MLXIPL: variants seen among roughly 807,000 people sequenced by gnomAD.
MLXIPL encodes carbohydrate-responsive element-binding protein.
In MLXIPL, 49 loss-of-function variants were observed where a neutral mutation model predicts 81.5. That is an observed-to-expected ratio of 0.60 (90% CI 0.48 to 0.76). The LOEUF (loss-of-function observed/expected upper bound fraction) is 0.76. Ranked by LOEUF, MLXIPL falls within the 30% of genes least tolerant of loss-of-function variation. The pLI is 0.00. For missense variants in MLXIPL, 1,053 were observed against 1,167.0 expected, an observed-to-expected ratio of 0.90 and a Z score of 1.42; for synonymous variants, 466 against 485.5, an observed-to-expected ratio of 0.96 and a Z score of 0.53.
At chr7:73,620,490 C>T (rs556480153) in intron 1 of MLXIPL, among the ~76,000 whole-genome samples, 1 of 150,844 alleles carries the variant, frequency 6.6e-6, no homozygotes, top group Non-Finnish European at 1.5e-5. Context: ...CCTGTAATCC[C>T]AGCACTTTGG....
At chr7:73,636,984 C>T in the MLXIPL span, among the ~76,000 whole-genome samples, 11 of 147,848 alleles carry the variant, frequency 7.4e-5, no homozygotes, top group East Asian at 2.0e-4. Context: ...GATGTTAACC[C>T]GGGAGGCGGA....
the MLXIPL span, among the ~76,000 whole-genome samples, chr7:73,630,285 C>CTTTTTTTTTT: frequency 1.0e-5 from 1 of 97,870 alleles, no homozygotes; most frequent in Non-Finnish European, 1.8e-5. Flanking sequence ...GCCAGCTTGT[C>CTTTTTTTTTT]TTTTTTTTTT....
At position 73,595,870 on chromosome 7, in the gene MLXIPL, C is replaced by T. The variant is rs1554593522; in HGVS notation, c.2158G>A (p.Glu720Lys). ...ATGGCGGCATTGAGCTCCTCAATCTCATCCCGCAGCTGCTGGGCCTCCTCC... is the reference window on the plus strand; with the variant it reads ...ATGGCGGCATTGAGCTCCTCAATCTTATCCCGCAGCTGCTGGGCCTCCTCC... ...LQEEAQQLRD[E>K]IEELNAAINL... is the part of the protein sequence containing the mutation. Residue 720 changes from glutamate (E) to lysine (K), a missense_variant, in exon 14 of 17, where the codon GAG (glutamate) becomes AAG (lysine). Glu to Lys is a moderately conservative substitution (Grantham distance 56). Around this residue, in one of 3 missense-constraint regions of MLXIPL, gnomAD observed 823 missense variants for 933.0 expected, o/e 0.88. Transcript: ENST00000313375. 4.3e-6 allele frequency: 7 copies of T among 1,610,482 alleles called. No homozygotes were observed. In the South Asian group the frequency reaches 6.6e-5, roughly 15 times the overall value.
At position 73,599,660 on chromosome 7, in the gene MLXIPL, T is replaced by C. The variant is rs1249025404; in HGVS notation, c.937A>G (p.Met313Val). 4 of 1,606,770 alleles carry C rather than the reference T, an allele frequency of 2.5e-6. No individual in the cohort carries two copies. Among genetic ancestry groups the C allele is most frequent in the Non-Finnish European group, 3.4e-6 (4 of 1,176,516 alleles). ...GGGGGCTCTGGGAAGTTTGAAGGCA[T>C]GGGCGGCTGTGGGAGGCGGGAGTTG... is the stretch of plus-strand genomic sequence containing the variant. The part of the protein sequence containing the change: ...FTNSRLPQPP[M>V]PSNFPEPPSF... Residue 313 changes from methionine to valine, a missense_variant, in exon 8 of 17, where the codon ATG (methionine) becomes GTG (valine). Physicochemically the swap from Met to Val is conservative, Grantham distance 21. Coordinates refer to ENST00000313375, the MANE Select transcript of MLXIPL (RefSeq NM_032951.3).
chr7:73,643,388 C>T, the MLXIPL span, among the ~76,000 whole-genome samples: 1 of 152,080 alleles, frequency 6.6e-6, no homozygotes, highest in Non-Finnish European at 1.5e-5. Context: ...GTGGCGGGTG[C>T]CTGTAGTCCC....
At chr7:73,604,079 G>A (rs1406325334) in intron 7 of MLXIPL, among the ~76,000 whole-genome samples, 1 of 151,890 alleles carries the variant, frequency 6.6e-6, no homozygotes, top group East Asian at 1.9e-4. Context: ...AGCTGGGTGT[G>A]GTGGCACATG....
At chr7:73,635,481 G>T in the MLXIPL span, among the ~76,000 whole-genome samples, 2 of 151,848 alleles carry the variant, frequency 1.3e-5, no homozygotes, top group Non-Finnish European at 2.9e-5. Context: ...TTTACAATCT[G>T]TCCATTCACC....
intron 4 of MLXIPL, 142 bp downstream of exon 4, chr7:73,607,189 T>C: frequency 8.0e-7 from 1 of 1,248,504 alleles, no homozygotes; most frequent in Non-Finnish European, 1.1e-6. Context: ...ACGGTGGCGC[T>C]GTCGGCCCGG....
At position 73,604,682 on chromosome 7, in the gene MLXIPL, G is replaced by A. The variant is rs1043201974; in HGVS notation, c.901+1006C>T. On this transcript the variant is annotated intron_variant, in intron 7 of 16. Coordinates refer to ENST00000313375, the MANE Select transcript of MLXIPL (RefSeq NM_032951.3). ...TGATAAGTCGGTGACATCAGTGATG[G>A]TGACTTGGGAGGTTTTTGCTGAGCT... is the stretch of plus-strand genomic sequence containing the variant. Among the ~76,000 whole-genome samples the A allele has an allele frequency of 5.3e-5, 8 of 152,294 alleles. No individual in the cohort carries two copies. In the South Asian group the frequency reaches 1.2e-3, roughly 24 times the overall value.
intron 8 of MLXIPL, 25 bp downstream of exon 8, chr7:73,599,501 G>A (rs1554595349): frequency 1.9e-6 from 3 of 1,611,268 alleles, no homozygotes; most frequent in African/African-American, 2.7e-5. Flanking sequence ...GCTACACAGG[G>A]CTGGACGGGG....
intron 1 of MLXIPL, among the ~76,000 whole-genome samples, chr7:73,622,340 A>G (rs1360419839): frequency 2.0e-5 from 3 of 151,816 alleles, no homozygotes; most frequent in African/African-American, 4.8e-5. Context: ...AAAATACAAA[A>G]AATTAGCTGG....
upstream of MLXIPL, chr7:73,624,683 T>G: frequency 8.5e-7 from 1 of 1,178,568 alleles, no homozygotes; most frequent in Non-Finnish European, 1.1e-6. Flanking sequence ...TCTGGAGCTC[T>G]GGCGGGTTGG....
chr7:73,619,277 A>G (rs1366602192), intron 1 of MLXIPL, among the ~76,000 whole-genome samples: 4 of 151,572 alleles, frequency 2.6e-5, no homozygotes, highest in African/African-American at 9.7e-5. Context: ...CCTGGCTAAC[A>G]ACGTGAAACC....
chr7:73,594,966 C>T (rs1258051604), intron 15 of MLXIPL, among the ~76,000 whole-genome samples: 2 of 151,888 alleles, frequency 1.3e-5, no homozygotes, highest in Non-Finnish European at 2.9e-5. Context: ...CTGCCTCAGC[C>T]TCCCGAGTAG....
intron 1 of MLXIPL, among the ~76,000 whole-genome samples, chr7:73,620,129 C>A (rs1201587238): frequency 6.6e-6 from 1 of 151,540 alleles, no homozygotes; most frequent in Non-Finnish European, 1.5e-5. Flanking sequence ...TAGGGCCAGG[C>A]GCGGTGGCTC....
intron 1 of MLXIPL, among the ~76,000 whole-genome samples, chr7:73,621,670 T>TCTCCCTCC (rs1163042248): frequency 7.5e-6 from 1 of 133,806 alleles, no homozygotes. Context: ...CAACCCTCCA[T>TCTCCCTCC]CTCCCTCCAT....
At chr7:73,600,513 G>A (rs1317448669) in intron 7 of MLXIPL, among the ~76,000 whole-genome samples, 1 of 49,150 alleles carries the variant, frequency 2.0e-5, no homozygotes, top group African/African-American at 9.2e-5. Flanking sequence ...GGGGATACGG[G>A]TGGGCTCCAA....
chr7:73,596,263 G>GA lies in MLXIPL; in HGVS notation c.1947_1948insT (p.Arg650SerfsTer21). 1 of 1,613,490 alleles carries GA rather than the reference G, an allele frequency of 6.2e-7. No homozygotes were observed. The highest frequency in any genetic ancestry group is 8.5e-7 in the Non-Finnish European group (1 of 1,179,944). ...TCCGCGGAGATGTGTGTGATACGCC[G>GA]GTTCTCGGTCTCGGGGAGCAGAGAG... On this transcript the variant is annotated frameshift_variant, in exon 13 of 17. Transcript: ENST00000313375. LOFTEE classifies it high-confidence loss of function. The surrounding 1 kb of genome is among the most constrained non-coding windows in gnomAD (Gnocchi z 4.7).
chr7:73,600,800 G>C (rs1794755305), intron 7 of MLXIPL, among the ~76,000 whole-genome samples: 1 of 151,852 alleles, frequency 6.6e-6, no homozygotes, highest in Non-Finnish European at 1.5e-5. Flanking sequence ...GCGAGAGCTG[G>C]GGGAGGCAGT....
Sources: gnomAD v4.1 joint callset for allele counts (sites outside exome capture counted in the v4.1 genomes callset) on GRCh38, gnomAD v4.1.1 for gene constraint, gnomAD v4.1.1 regional missense constraint, Gnocchi (gnomAD v3.1) non-coding constraint, MANE v1.5 for transcripts, NCBI Gene and HGNC (gene_info 2026-07-23, HGNC 2026-07-21) for gene names.